Variants in DOCK1 observed in about 807,000 individuals in gnomAD.
DOCK1 encodes the protein dedicator of cytokinesis 1.
A neutral mutation model predicts 262.7 loss-of-function variants in DOCK1; 138 were observed. That is an observed-to-expected ratio of 0.53 (90% confidence interval 0.46 to 0.61). DOCK1 has a LOEUF of 0.61. Ranked by LOEUF, DOCK1 falls within the 20% of genes least tolerant of loss-of-function variation. The probability of loss-of-function intolerance (pLI) is 0.00; values close to 1 mark genes in which losing one functional copy is unlikely to be tolerated. For missense variants in DOCK1, 1,908 were observed against 2,370.7 expected, an observed-to-expected ratio of 0.80 and a Z score of 4.05; for synonymous variants, 866 against 867.4, an observed-to-expected ratio of 1.00 and a Z score of 0.03.
chr10:127,422,168 T>C (rs951628278), intron 46 of DOCK1, among the ~76,000 whole-genome samples: 3 of 128,576 alleles, frequency 2.3e-5, no homozygotes, highest in African/African-American at 9.0e-5. Context: ...CTTTTTTTTT[T>C]TTTTTTTTTT....
intron 29 of DOCK1, among the ~76,000 whole-genome samples, chr10:127,281,664 G>C (rs2060966717): frequency 6.6e-6 from 1 of 152,132 alleles, no homozygotes; most frequent in Admixed American, 6.5e-5. Flanking sequence ...GAGACCCCAG[G>C]GGCTTGTGGC....
intron 33 of DOCK1, among the ~76,000 whole-genome samples, chr10:127,362,986 TCCC>T (rs150863826): frequency 0.05 from 256 of 5,116 alleles, 1 homozygote; most frequent in Middle Eastern, 0.33. Flanking sequence ...CACATACACA[TCCC>T]CCCCCACACA....
intron 4 of DOCK1, among the ~76,000 whole-genome samples, chr10:126,985,267 C>T (rs1049201591): frequency 2.0e-5 from 3 of 152,180 alleles, no homozygotes; most frequent in Admixed American, 6.5e-5. Context: ...AGGCGTGAGC[C>T]ACCGCGTGGA....
chr10:127,190,051 G>C (rs1401848252), intron 27 of DOCK1, among the ~76,000 whole-genome samples: 1 of 152,112 alleles, frequency 6.6e-6, no homozygotes, highest in Non-Finnish European at 1.5e-5. Flanking sequence ...TCAGCATTTG[G>C]GTTATAAGAA....
At chr10:127,173,006 T>C (rs1029685739) in intron 27 of DOCK1, among the ~76,000 whole-genome samples, 1 of 152,200 alleles carries the variant, frequency 6.6e-6, no homozygotes, top group African/African-American at 2.4e-5. Context: ...CTGTATTGGA[T>C]AGAGCAGCTC....
At chr10:127,106,568 T>C (rs549214534) in intron 24 of DOCK1, among the ~76,000 whole-genome samples, 1 of 152,282 alleles carries the variant, frequency 6.6e-6, no homozygotes, top group East Asian at 1.9e-4. Context: ...ATTTGGCATT[T>C]TGCATACTTT....
At chr10:127,083,952 A>G (rs572333101) in intron 23 of DOCK1, among the ~76,000 whole-genome samples, 2 of 152,338 alleles carry the variant, frequency 1.3e-5, no homozygotes, top group African/African-American at 4.8e-5. Flanking sequence ...GAGATTCTGG[A>G]TGTAAAAATA....
chr10:127,340,176 T>G (rs2063370161), intron 30 of DOCK1, among the ~76,000 whole-genome samples: 1 of 152,184 alleles, frequency 6.6e-6, no homozygotes, highest in Admixed American at 6.5e-5. Flanking sequence ...TTATAAAATT[T>G]TTTATCATTT....
At chr10:127,099,050 T>A (rs1217893082) in intron 23 of DOCK1, among the ~76,000 whole-genome samples, 1 of 152,142 alleles carries the variant, frequency 6.6e-6, no homozygotes, top group African/African-American at 2.4e-5. Context: ...CCAGAGCCTG[T>A]GGTAGGAAGG....
intron 29 of DOCK1, among the ~76,000 whole-genome samples, chr10:127,278,747 A>G (rs2060837180): frequency 6.6e-6 from 1 of 152,212 alleles, no homozygotes; most frequent in East Asian, 1.9e-4. Context: ...TCTTGGCAAA[A>G]TGTAATCACC....
At chr10:126,977,178 G>A (rs186221663) in intron 2 of DOCK1, among the ~76,000 whole-genome samples, 140 of 152,338 alleles carry the variant, frequency 9.2e-4, no homozygotes, top group African/African-American at 3.3e-3. Flanking sequence ...CTAGGCCTTT[G>A]CAGGGGCAGT....
intron 27 of DOCK1, among the ~76,000 whole-genome samples, chr10:127,236,176 A>C: frequency 6.6e-6 from 1 of 152,146 alleles, no homozygotes; most frequent in Non-Finnish European, 1.5e-5. Flanking sequence ...TTGTATCCTA[A>C]GAAATATATT....
intron 24 of DOCK1, among the ~76,000 whole-genome samples, chr10:127,109,161 A>G (rs1337860549): frequency 1.3e-5 from 2 of 152,228 alleles, no homozygotes; most frequent in Non-Finnish European, 1.5e-5. Context: ...GTCCCCCTCC[A>G]GAAGGTAAAA....
chr10:127,051,831 C>T (rs1446023631), intron 21 of DOCK1, among the ~76,000 whole-genome samples: 1 of 152,140 alleles, frequency 6.6e-6, no homozygotes, highest in Admixed American at 6.5e-5. Context: ...GATTCACCTG[C>T]CTTGGCCTCC....
intron 1 of DOCK1, among the ~76,000 whole-genome samples, chr10:126,911,894 G>T (rs1389991726): frequency 1.3e-5 from 2 of 152,206 alleles, no homozygotes; most frequent in Non-Finnish European, 2.9e-5. Flanking sequence ...AGCTGACGTT[G>T]AAATCACAGT....
chr10:127,012,261 A>G lies in DOCK1; in HGVS notation c.1088A>G (p.Lys363Arg). Residue 363 changes from lysine to arginine, a missense_variant, in exon 12 of 52, where the codon AAG becomes AGG. By Grantham distance (26) the Lys-to-Arg change is conservative. Transcript: ENST00000623213. This position sits in a 1 kb window ranked among gnomAD's most constrained non-coding sequence, Gnocchi z 4.0. Reference sequence around the variant, plus strand: ...GCGTTGGACGACGCCATTCGACACAAGCCGCTGAACATGTCATCCCGTTTT... The same window carrying G: ...GCGTTGGACGACGCCATTCGACACAGGCCGCTGAACATGTCATCCCGTTTT... Reference protein sequence around the residue: ...PLALDDAIRHKPLNMSSRFSP... With the variant: ...PLALDDAIRHRPLNMSSRFSP... 6.2e-7 allele frequency: 1 copy of G among 1,611,976 alleles called. No homozygotes were observed. Among genetic ancestry groups the G allele is most frequent in the East Asian group, 2.2e-5 (1 of 44,862 alleles).
At chr10:127,164,231 T>C (rs546372893) in intron 27 of DOCK1, among the ~76,000 whole-genome samples, 6 of 124,284 alleles carry the variant, frequency 4.8e-5, no homozygotes, top group Admixed American at 4.1e-4. Flanking sequence ...TCACCCAGGC[T>C]GGAGTGCAGA....
chr10:126,990,435 T>C lies in DOCK1; in HGVS notation c.325-20T>C. The C allele has an allele frequency of 3.2e-6, 5 of 1,587,084 alleles. No individual in the cohort carries two copies. Among genetic ancestry groups the C allele is most frequent in the Non-Finnish European group, 4.3e-6 (5 of 1,164,634 alleles). On this transcript the variant is annotated intron_variant, in intron 5 of 51. Transcript: ENST00000623213. ...CTGTTTTATAACAAAATCTTTCTGA[T>C]TGGGTTTTTCCCCGTATAGCAAGAT... is the stretch of plus-strand genomic sequence containing the variant.
rs138364942 is a variant in DOCK1, at chr10:127,260,541, A to G, written c.3044+3112A>G. Among the ~76,000 whole-genome samples, 7 of 152,262 alleles carry G rather than the reference A, an allele frequency of 4.6e-5. No homozygotes were observed. In the East Asian group the frequency reaches 1.2e-3, roughly 25 times the overall value. ...CAGGTCGTTGAGCAGTGTTTCCTCCATGGGAGCTTCCTGCAGAGAAGTGAT... is the reference window on the plus strand; with the variant it reads ...CAGGTCGTTGAGCAGTGTTTCCTCCGTGGGAGCTTCCTGCAGAGAAGTGAT... On this transcript the variant is annotated intron_variant, in intron 29 of 51. Coordinates refer to ENST00000623213, the MANE Select transcript of DOCK1 (RefSeq NM_001290223.2).
Sources: allele counts gnomAD v4.1 joint callset (sites outside exome capture counted in the v4.1 genomes callset), GRCh38; gene constraint gnomAD v4.1.1; non-coding constraint Gnocchi (gnomAD v3.1); transcripts MANE v1.5; gene names NCBI Gene and HGNC (gene_info 2026-07-23, HGNC 2026-07-21).